RYR2: variants seen among roughly 807,000 people sequenced by gnomAD.
RYR2 encodes the protein cardiac muscle ryanodine receptor-calcium release channel.
Under a neutral mutation model 601.1 loss-of-function variants are expected in RYR2, and 227 were observed. The ratio of observed to expected loss-of-function variants is 0.38; its 90% CI spans 0.34 to 0.42. The LOEUF is 0.42. RYR2 is among the 10% of genes least tolerant of loss of function. RYR2 has a pLI of 1.00. For missense variants in RYR2, 4,646 were observed against 6,156.5 expected (o/e 0.75, Z 8.21); for synonymous variants, 2,223 against 2,175.1 (o/e 1.02, Z -0.61).
At chr1:237,230,946 A>G (rs1326021816) in intron 1 of RYR2, among the ~76,000 whole-genome samples, 1 of 151,136 alleles carries the variant, frequency 6.6e-6, no homozygotes, top group African/African-American at 2.4e-5. Flanking sequence ...AAAAAAGGAT[A>G]CTCCTCAAAT....
intron 1 of RYR2, among the ~76,000 whole-genome samples, chr1:237,048,821 GAA>G (rs1660903667): frequency 6.6e-6 from 1 of 152,134 alleles, no homozygotes; most frequent in African/African-American, 2.4e-5. Flanking sequence ...AGACTTGAGA[GAA>G]ATCTTGTGGC....
At chr1:237,560,786 T>C (rs764958648) in intron 27 of RYR2, among the ~76,000 whole-genome samples, 8 of 152,188 alleles carry the variant, frequency 5.3e-5, no homozygotes, top group Non-Finnish European at 8.8e-5. Context: ...CTGATGTCAC[T>C]CAGCAATAAA....
intron 29 of RYR2, among the ~76,000 whole-genome samples, chr1:237,574,898 G>A (rs1673072155): frequency 6.6e-6 from 1 of 152,176 alleles, no homozygotes; most frequent in Non-Finnish European, 1.5e-5. Flanking sequence ...GCCCTACCAT[G>A]CTGGACCTCT....
At chr1:237,522,956 T>G (rs535854580) in intron 24 of RYR2, among the ~76,000 whole-genome samples, 7 of 150,996 alleles carry the variant, frequency 4.6e-5, no homozygotes, top group African/African-American at 1.7e-4. Context: ...TTCCAACTTA[T>G]AGTGTGCTGT....
At chr1:237,625,985 T>C (rs922468885) in intron 40 of RYR2, among the ~76,000 whole-genome samples, 181 bp downstream of exon 40, 12 of 152,202 alleles carry the variant, frequency 7.9e-5, no homozygotes, top group African/African-American at 2.9e-4. Flanking sequence ...TCTATGTGTA[T>C]AGCAACAGAC....
chr1:237,711,207 C>T (rs1216527404), intron 70 of RYR2, among the ~76,000 whole-genome samples: 1 of 152,116 alleles, frequency 6.6e-6, no homozygotes, highest in African/African-American at 2.4e-5. Context: ...TTTTGAATCT[C>T]ATGGGCATAT....
At position 237,733,678 on chromosome 1, in the gene RYR2, C is replaced by A. The variant is rs761234140; in HGVS notation, c.11040-27C>A. On this transcript the variant is annotated intron_variant, in intron 78 of 104. Coordinates refer to ENST00000366574, the MANE Select transcript of RYR2 (RefSeq NM_001035.3). ...ATGTGCCTAGCCTTCTGCTTAAACACTGATGTTTTCTTCTTGCTTTCCCCA... is the reference window on the plus strand; with the variant it reads ...ATGTGCCTAGCCTTCTGCTTAAACAATGATGTTTTCTTCTTGCTTTCCCCA... 1.1e-5 allele frequency: 17 copies of A among 1,558,070 alleles called. No individual in the cohort carries two copies. In the South Asian group the frequency reaches 1.8e-4, roughly 16 times the overall value.
intron 47 of RYR2, among the ~76,000 whole-genome samples, chr1:237,642,896 G>A (rs1041148535): frequency 1.3e-5 from 2 of 152,200 alleles, no homozygotes; most frequent in Admixed American, 1.3e-4. Flanking sequence ...CACAAAGCAA[G>A]AAAGAAGCTA....
At chr1:237,536,059 G>A (rs1211182577) in intron 25 of RYR2, among the ~76,000 whole-genome samples, 1 of 151,968 alleles carries the variant, frequency 6.6e-6, no homozygotes, top group Non-Finnish European at 1.5e-5. Context: ...CCAGTGCAGT[G>A]AGACAAGAAA....
chr1:237,795,787 C>T (rs1026151230), intron 96 of RYR2, among the ~76,000 whole-genome samples: 2 of 149,150 alleles, frequency 1.3e-5, no homozygotes, highest in Admixed American at 6.7e-5. Context: ...AATGGCCGGG[C>T]GCGGTGGCTC....
chr1:237,745,249 G>A (rs1405456961), intron 80 of RYR2, among the ~76,000 whole-genome samples: 2 of 151,934 alleles, frequency 1.3e-5, no homozygotes, highest in African/African-American at 4.8e-5. Context: ...GCATACAATG[G>A]GCCTAACACT....
chr1:237,398,398 TAAAG>T (rs1168416193), intron 10 of RYR2, among the ~76,000 whole-genome samples: 1 of 152,140 alleles, frequency 6.6e-6, no homozygotes, highest in African/African-American at 2.4e-5. Context: ...CTAAAATACA[TAAAG>T]AATCAACAGT....
chr1:237,182,031 A>G (rs577693727), intron 1 of RYR2, among the ~76,000 whole-genome samples: 70 of 152,326 alleles, frequency 4.6e-4, no homozygotes, highest in Non-Finnish European at 8.4e-4. Flanking sequence ...CTTTTAAACT[A>G]TAAGACATTT....
chr1:237,103,516 T>C (rs1269987399), intron 1 of RYR2, among the ~76,000 whole-genome samples: 4 of 152,206 alleles, frequency 2.6e-5, no homozygotes, highest in African/African-American at 4.8e-5. Flanking sequence ...GCCGTGGGCC[T>C]TCTGACCACC....
chr1:237,552,030 G>A (rs1474883488), intron 27 of RYR2, among the ~76,000 whole-genome samples: 1 of 152,056 alleles, frequency 6.6e-6, no homozygotes, highest in Admixed American at 6.6e-5. Flanking sequence ...ATCAGTTACT[G>A]GATTCTTATA....
At chr1:237,727,730 A>G (rs755159652) in intron 76 of RYR2, among the ~76,000 whole-genome samples, 25 of 152,144 alleles carry the variant, frequency 1.6e-4, no homozygotes, top group Non-Finnish European at 3.1e-4. Flanking sequence ...TGTAATTATT[A>G]GCATTAGGGG....
intron 16 of RYR2, among the ~76,000 whole-genome samples, chr1:237,461,471 G>A (rs554044556): frequency 6.6e-6 from 1 of 152,074 alleles, no homozygotes; most frequent in African/African-American, 2.4e-5. Flanking sequence ...GATGTTGCTG[G>A]TCTGTCTCTA....
chr1:237,657,830 T>A, intron 53 of RYR2, 114 bp from the exon 54 acceptor site: 1 of 569,812 alleles, frequency 1.8e-6, no homozygotes, highest in Non-Finnish European at 3.1e-6. Context: ...AAGTCGTGTT[T>A]AACAGTTAAA....
intron 1 of RYR2, among the ~76,000 whole-genome samples, chr1:237,074,040 T>C (rs1664709021): frequency 6.6e-6 from 1 of 152,020 alleles, no homozygotes; most frequent in Admixed American, 6.6e-5. Flanking sequence ...GTGGGAGCCC[T>C]AAATGATGGC....
Sources: allele counts gnomAD v4.1 joint callset (sites outside exome capture counted in the v4.1 genomes callset), GRCh38; gene constraint gnomAD v4.1.1; transcripts MANE v1.5; gene names NCBI Gene and HGNC (gene_info 2026-07-23, HGNC 2026-07-21).